Variants in ERI3 observed in about 807,000 individuals in gnomAD.
ERI3 encodes the protein ERI1 exoribonuclease family member 3.
Under a neutral mutation model 44.4 loss-of-function variants are expected in ERI3, and 18 were observed. The ratio of observed to expected loss-of-function variants is 0.41; its 90% CI spans 0.28 to 0.60. The LOEUF (loss-of-function observed/expected upper bound fraction) is 0.60, where lower values mean the gene tolerates loss of function less well. Among genes scored for constraint, ERI3 ranks in the 20% least tolerant of loss-of-function variants. The pLI is 0.36. For missense variants in ERI3, 294 were observed against 435.5 expected (o/e 0.68, Z 2.89); for synonymous variants, 183 against 164.8 (o/e 1.11, Z -0.84).
In ERI3 at chr1:44,345,902, C is replaced by T. The variant is rs142078240; in HGVS notation, c.212-6580G>A. On this transcript the variant is annotated intron_variant, in intron 2 of 8. Transcript: ENST00000372257. Reference sequence around the variant, plus strand: ...AGAATAGAACCCAGGCTCTCAACTCCAAGGCCAGGGTCTCAGGCTACTGCT... The same window carrying T: ...AGAATAGAACCCAGGCTCTCAACTCTAAGGCCAGGGTCTCAGGCTACTGCT... Among the ~76,000 whole-genome samples, 7 of 152,298 alleles carry T rather than the reference C, an allele frequency of 4.6e-5. No individual in the cohort carries two copies. In the East Asian group the frequency reaches 1.4e-3, roughly 29 times the overall value.
intron 4 of ERI3, among the ~76,000 whole-genome samples, 198 bp from the exon 5 acceptor site, chr1:44,313,426 A>G (rs1243165923): frequency 6.6e-6 from 1 of 152,122 alleles, no homozygotes; most frequent in African/African-American, 2.4e-5. Flanking sequence ...TTCTCCCATA[A>G]TATCCTGCCC....
At chr1:44,291,672 A>G (rs973415606) in intron 6 of ERI3, among the ~76,000 whole-genome samples, 4 of 152,188 alleles carry the variant, frequency 2.6e-5, no homozygotes, top group African/African-American at 9.7e-5. Flanking sequence ...TCCACCTCCA[A>G]CAGAAGATGT....
chr1:44,353,309 G>A (rs1646934725), intron 1 of ERI3: 3 of 985,242 alleles, frequency 3.0e-6, no homozygotes, highest in African/African-American at 3.5e-5. Flanking sequence ...GGGGTTGGTT[G>A]CCACAAATCC....
intron 4 of ERI3, 64 bp from the exon 5 acceptor site, chr1:44,313,292 G>T: frequency 6.8e-7 from 1 of 1,474,574 alleles, no homozygotes; most frequent in South Asian, 1.1e-5. Context: ...AGGCTGAACA[G>T]GACCCCTTCC....
chr1:44,221,976 G>A lies in ERI3; in HGVS notation c.932-336C>T, dbSNP rs954217428. Among the ~76,000 whole-genome samples the A allele has an allele frequency of 6.6e-6, 1 of 152,232 alleles. No individual in the cohort carries two copies. Among genetic ancestry groups the A allele is most frequent in the Non-Finnish European group, 1.5e-5 (1 of 68,032 alleles). ...TGTAATTTCTCCCTTGACGGCCCCC[G>A]GCCGCTGGGCGATCCTTCTTGTTGC... On this transcript the variant is annotated intron_variant, in intron 8 of 8. Transcript: ENST00000372257. The surrounding 1 kb of genome is among the most constrained non-coding windows in gnomAD (Gnocchi z 5.9).
intron 7 of ERI3, among the ~76,000 whole-genome samples, chr1:44,263,938 G>T (rs900167616): frequency 6.6e-6 from 1 of 152,182 alleles, no homozygotes; most frequent in African/African-American, 2.4e-5. Flanking sequence ...TGGGGATCAG[G>T]TAGGAGGAAG....
intron 2 of ERI3, among the ~76,000 whole-genome samples, chr1:44,342,809 G>C (rs1646681437): frequency 2.0e-5 from 1 of 51,068 alleles, no homozygotes; most frequent in Non-Finnish European, 3.5e-5. Flanking sequence ...ACCACATCCA[G>C]CTAATATATA....
chr1:44,245,143 A>G (rs1487304973), intron 8 of ERI3, among the ~76,000 whole-genome samples: 2 of 152,182 alleles, frequency 1.3e-5, no homozygotes, highest in Non-Finnish European at 1.5e-5. Context: ...CGACCCTTTT[A>G]GCACGCACAG....
intron 8 of ERI3, among the ~76,000 whole-genome samples, chr1:44,244,826 C>G (rs1644520190): frequency 6.6e-6 from 1 of 152,130 alleles, no homozygotes; most frequent in South Asian, 2.1e-4. Flanking sequence ...CCCGTCACCC[C>G]AAGTCTGCCT....
chr1:44,237,313 T>C (rs1414291191), intron 8 of ERI3, among the ~76,000 whole-genome samples: 2 of 152,228 alleles, frequency 1.3e-5, no homozygotes, highest in Non-Finnish European at 2.9e-5. Flanking sequence ...AAACATTTTC[T>C]GAATGAATGA....
intron 3 of ERI3, among the ~76,000 whole-genome samples, chr1:44,330,918 C>A (rs1646414701): frequency 6.6e-6 from 1 of 152,126 alleles, no homozygotes. Flanking sequence ...CAATGGAGAT[C>A]AGTCTACAAA....
At chr1:44,325,108 A>ATTTTTTTTTT (rs1646283073) in intron 3 of ERI3, among the ~76,000 whole-genome samples, 1 of 129,494 alleles carries the variant, frequency 7.7e-6, no homozygotes. Flanking sequence ...TCGGAGTCTC[A>ATTTTTTTTTT]CTCTGTCACT....
intron 3 of ERI3, among the ~76,000 whole-genome samples, chr1:44,324,385 C>T (rs1436217701): frequency 6.6e-6 from 1 of 151,938 alleles, no homozygotes; most frequent in Admixed American, 6.6e-5. Context: ...GGTTTCCTCC[C>T]TGAACTACTA....
At position 44,354,937 on chromosome 1, in the gene ERI3, A is replaced by G; in HGVS notation, c.90T>C (p.Thr30=). The G allele has an allele frequency of 7.5e-7, 1 of 1,334,642 alleles. No individual in the cohort carries two copies. Among genetic ancestry groups the G allele is most frequent in the Non-Finnish European group, 9.7e-7 (1 of 1,034,716 alleles). 82.7% of individuals were successfully genotyped at this position (1,334,642 alleles called of 1,614,324 possible). Residue 30 remains threonine, a synonymous_variant, in exon 1 of 9, where the codon ACT becomes ACC. Coordinates refer to ENST00000372257, the MANE Select transcript of ERI3 (RefSeq NM_024066.3). ...LVSWPPAPPL[T]LPWTWMGPSW... ...TCGGGCCCATCCAAGTCCAGGGGAG[A>G]GTAAGGGGAGGGGCGGGGGGCCAGG... is the stretch of plus-strand genomic sequence containing the variant.
At chr1:44,255,350 C>T (rs946749947) in intron 7 of ERI3, among the ~76,000 whole-genome samples, 1 of 152,194 alleles carries the variant, frequency 6.6e-6, no homozygotes, top group Admixed American at 6.5e-5. Context: ...TGCTCCATCT[C>T]TGAAACCCTT....
rs575450972 is a variant in ERI3, at chr1:44,252,061, C to T, written c.832-4023G>A. 4.6e-5 allele frequency among the ~76,000 whole-genome samples: 7 copies of T among 152,366 alleles called. No individual in the cohort carries two copies. The South Asian group carries it at 8.3e-4, about 18-fold the overall frequency. On this transcript the variant is annotated intron_variant, in intron 7 of 8. Coordinates refer to ENST00000372257, the MANE Select transcript of ERI3 (RefSeq NM_024066.3). This position sits in a 1 kb window ranked among gnomAD's most constrained non-coding sequence, Gnocchi z 4.7. ...ATCTCTCTCAGCCATCAGGGTCCAC[C>T]TGCCCAGCTATGCACAGTCAGCACC...
intron 6 of ERI3, among the ~76,000 whole-genome samples, chr1:44,287,925 C>T (rs1192955217): frequency 6.6e-6 from 1 of 152,298 alleles, no homozygotes; most frequent in South Asian, 2.1e-4. Flanking sequence ...TCTTATTCTC[C>T]CCTAGCCAAC....
chr1:44,300,923 T>C (rs1645711618), intron 6 of ERI3, among the ~76,000 whole-genome samples: 2 of 152,120 alleles, frequency 1.3e-5, no homozygotes, highest in Admixed American at 1.3e-4. Flanking sequence ...AGGTGGCTCT[T>C]CTTTAATTAA....
chr1:44,330,700 T>C (rs1646410145), intron 3 of ERI3, among the ~76,000 whole-genome samples: 2 of 152,220 alleles, frequency 1.3e-5, no homozygotes, highest in South Asian at 2.1e-4. Flanking sequence ...GCTTTTAGGC[T>C]ATGGCTCAAT....
Sources: gnomAD v4.1 joint callset for allele counts (sites outside exome capture counted in the v4.1 genomes callset) on GRCh38, gnomAD v4.1.1 for gene constraint, Gnocchi (gnomAD v3.1) non-coding constraint, MANE v1.5 for transcripts, NCBI Gene and HGNC (gene_info 2026-07-23, HGNC 2026-07-21) for gene names.